Variants in DENND4A observed in about 807,000 individuals in gnomAD.
The protein encoded by DENND4A is DENN domain containing 4A.
In DENND4A, 70 loss-of-function variants were observed where a neutral mutation model predicts 199.3. The ratio of observed to expected loss-of-function variants is 0.35; its 90% CI spans 0.29 to 0.43. DENND4A has a LOEUF of 0.43. Ranked by LOEUF, DENND4A falls within the 20% of genes least tolerant of loss-of-function variation. The pLI is 1.00. For synonymous variants in DENND4A, 686 were observed against 766.9 expected, an observed-to-expected ratio of 0.89 and a Z score of 1.74; for missense variants, 1,723 against 2,255.8, an observed-to-expected ratio of 0.76 and a Z score of 4.78.
At chr15:65,662,101 C>T (rs2141805003) in intron 32 of DENND4A, 114 bp from the exon 33 acceptor site, 1 of 835,268 alleles carries the variant, frequency 1.2e-6, no homozygotes, top group Non-Finnish European at 1.8e-6. Context: ...GAAGGAATTG[C>T]TAGGACATTT....
chr15:65,661,286 G>A lies in DENND4A; in HGVS notation c.*565C>T, dbSNP rs1355381139. 2.6e-5 allele frequency: 4 copies of A among 152,096 alleles called. No homozygotes were observed. The highest frequency in any genetic ancestry group is 5.9e-5 in the Non-Finnish European group (4 of 68,034). 9.4% of individuals were successfully genotyped at this position (152,096 alleles called of 1,614,324 possible). On this transcript the variant is annotated 3_prime_UTR_variant, in exon 33 of 33. Coordinates refer to ENST00000443035, the MANE Select transcript of DENND4A (RefSeq NM_001320835.1). Reference sequence around the variant, plus strand: ...ATAGATATACACAGAGAGATCTGCAGCTGTACTAATTACTTCAAATAGCAG... The same window carrying A: ...ATAGATATACACAGAGAGATCTGCAACTGTACTAATTACTTCAAATAGCAG...
In DENND4A at chr15:65,690,510, C is replaced by A; in HGVS notation, c.4084G>T (p.Val1362Phe). The change falls in exon 23 of 33, where the codon GTT becomes TTT. Residue 1362 changes from valine to phenylalanine, a missense_variant. By Grantham distance (50) the Val-to-Phe change is conservative. Coordinates refer to ENST00000443035, the MANE Select transcript of DENND4A (RefSeq NM_001320835.1). ...GCAGTGAACATACTGTTTCTTAGAACATCTAGTTTAGGTACTAGTAGTGTA... is the reference window on the plus strand; with the variant it reads ...GCAGTGAACATACTGTTTCTTAGAAAATCTAGTTTAGGTACTAGTAGTGTA... ...LDTLLVPKLDVLRNSMFTAGK... is the reference protein window; with the variant it reads ...LDTLLVPKLDFLRNSMFTAGK... The A allele has an allele frequency of 6.2e-7, 1 of 1,613,336 alleles. No homozygotes were observed. The highest frequency in any genetic ancestry group is 8.5e-7 in the Non-Finnish European group (1 of 1,179,598).
chr15:65,669,393 AT>A (rs1282826529), intron 27 of DENND4A, among the ~76,000 whole-genome samples: 2 of 152,222 alleles, frequency 1.3e-5, no homozygotes, highest in African/African-American at 4.8e-5. Context: ...TTCTTAGATT[AT>A]TAAATATTCC....
intron 1 of DENND4A, among the ~76,000 whole-genome samples, chr15:65,776,085 CTA>C (rs1358747893): frequency 6.6e-6 from 1 of 152,176 alleles, no homozygotes; most frequent in African/African-American, 2.4e-5. Context: ...CATATCTCTA[CTA>C]TGATTATCCC....
chr15:65,743,130 CCA>C (rs1194426385), intron 4 of DENND4A, among the ~76,000 whole-genome samples: 1 of 152,124 alleles, frequency 6.6e-6, no homozygotes, highest in Admixed American at 6.5e-5. Flanking sequence ...TTGCTTCCCG[CCA>C]CAGTCTATCA....
chr15:65,745,267 T>C (rs867175682), intron 4 of DENND4A, among the ~76,000 whole-genome samples: 5 of 152,180 alleles, frequency 3.3e-5, no homozygotes, highest in African/African-American at 1.2e-4. Context: ...TGAAAGAGAA[T>C]AATATTCAAA....
At chr15:65,684,917 G>A (rs1220154217) in intron 23 of DENND4A, among the ~76,000 whole-genome samples, 2 of 147,080 alleles carry the variant, frequency 1.4e-5, no homozygotes, top group East Asian at 4.0e-4. Flanking sequence ...CTCCGCCTCC[G>A]GGCTTCAAGC....
rs1448398976 is a variant in DENND4A at position 65,668,229 on chromosome 15, G to T, written c.4788-106C>A. 41 of 813,480 alleles carry T rather than the reference G, an allele frequency of 5.0e-5. 1 individual carries two copies. The East Asian group carries it at 1.1e-3, about 21-fold the overall frequency. The allele number at this position is 813,480 out of a possible 1,614,324, so 50.4% of individuals were successfully genotyped here. A position where few individuals can be genotyped will look rare whatever the true frequency, so the allele number is the denominator to read the frequency against. Reference sequence around the variant, plus strand: ...CTCTCTCTTTTTTTTTTTTTTTTAAGACAGAGTCTTGCTCTGTCACCCAGG... The same window carrying T: ...CTCTCTCTTTTTTTTTTTTTTTTAATACAGAGTCTTGCTCTGTCACCCAGG... On this transcript the variant is annotated intron_variant, in intron 27 of 32. Transcript: ENST00000443035.
intron 22 of DENND4A, 74 bp downstream of exon 22, chr15:65,696,292 A>T (rs945435984): frequency 7.3e-6 from 11 of 1,510,256 alleles, no homozygotes; most frequent in Middle Eastern, 3.6e-4. Flanking sequence ...TAAGACTATT[A>T]AAAAAATAAG....
intron 21 of DENND4A, chr15:65,696,848 G>A: frequency 3.3e-6 from 1 of 307,422 alleles, no homozygotes; most frequent in South Asian, 3.7e-5. Flanking sequence ...GATGGGTAAT[G>A]TGCTGATGTC....
At chr15:65,781,946 T>C (rs2077445952) in intron 1 of DENND4A, among the ~76,000 whole-genome samples, 1 of 152,202 alleles carries the variant, frequency 6.6e-6, no homozygotes, top group Non-Finnish European at 1.5e-5. Context: ...TGAGAAAGTA[T>C]TATTGTCACT....
chr15:65,717,967 T>C lies in DENND4A; in HGVS notation c.1618A>G (p.Met540Val). Reference sequence around the variant, plus strand: ...TCATAGTCATTTATTGCTAAATCCATGAGTCCATCATCTCTCGGTCTCTGC... The same window carrying C: ...TCATAGTCATTTATTGCTAAATCCACGAGTCCATCATCTCTCGGTCTCTGC... The part of the protein sequence containing the change: ...LQQRPRDDGL[M>V]DLAINDYDFN... The change falls in exon 13 of 33, where the codon ATG (methionine) becomes GTG (valine). Residue 540 changes from methionine to valine, a missense_variant. Met to Val is a conservative substitution (Grantham distance 21). Transcript: ENST00000443035. 1.2e-6 allele frequency: 2 copies of C among 1,606,148 alleles called. No individual in the cohort carries two copies. Among genetic ancestry groups the C allele is most frequent in the Non-Finnish European group, 1.7e-6 (2 of 1,175,802 alleles).
chr15:65,697,175 G>C lies in DENND4A; in HGVS notation c.2950+92C>G, dbSNP rs1021572866. 16 of 777,362 alleles carry C rather than the reference G, an allele frequency of 2.1e-5. No individual in the cohort carries two copies. In the African/African-American group the frequency reaches 2.7e-4, roughly 13 times the overall value. The allele number at this position is 777,362 out of a possible 1,614,324, so 48.2% of individuals were successfully genotyped here. A position where few individuals can be genotyped will look rare whatever the true frequency, so the allele number is the denominator to read the frequency against. The stretch of plus-strand genomic sequence containing the variant: ...AAGAAAGAGTTATAATGGAAAAATG[G>C]AAAGTAAAACCAGCACTTTTATAAA... On this transcript the variant is annotated intron_variant, in intron 21 of 32. Transcript: ENST00000443035.
At chr15:65,748,936 T>A (rs184564428) in intron 4 of DENND4A, among the ~76,000 whole-genome samples, 1 of 148,776 alleles carries the variant, frequency 6.7e-6, no homozygotes, top group Non-Finnish European at 1.5e-5. Context: ...GAGGCTACAA[T>A]GAGCCATGAG....
intron 6 of DENND4A, among the ~76,000 whole-genome samples, 182 bp from the exon 7 acceptor site, chr15:65,738,127 T>C (rs10519303): frequency 0.039 from 5,906 of 152,254 alleles, 393 homozygotes; most frequent in African/African-American, 0.14. Flanking sequence ...ATAGTGCTAT[T>C]CTCATGTTAC....
At position 65,696,501 on chromosome 15, in the gene DENND4A, T is replaced by G; in HGVS notation, c.2951-4A>C. 1.9e-6 allele frequency: 3 copies of G among 1,604,324 alleles called. No homozygotes were observed. The highest frequency in any genetic ancestry group is 2.6e-6 in the Non-Finnish European group (3 of 1,173,652). ...TTTGTACTCTCACTCTCTGACACTG[T>G]AAAGATGAAAATGAAAATGTTAATA... is the stretch of plus-strand genomic sequence containing the variant. On this transcript the variant is annotated splice_region_variant and splice_polypyrimidine_tract_variant and intron_variant, in intron 21 of 32. Coordinates refer to ENST00000443035, the MANE Select transcript of DENND4A (RefSeq NM_001320835.1).
chr15:65,733,574 T>C (rs898260932), intron 7 of DENND4A, among the ~76,000 whole-genome samples: 1 of 152,094 alleles, frequency 6.6e-6, no homozygotes, highest in African/African-American at 2.4e-5. Context: ...GTTTTGACTG[T>C]TTACTATATA....
chr15:65,705,960 T>C, intron 15 of DENND4A, 131 bp downstream of exon 15: 2 of 1,328,088 alleles, frequency 1.5e-6, no homozygotes, highest in Non-Finnish European at 1.9e-6. Flanking sequence ...TGGGATAAGC[T>C]TGCTTACCAC....
chr15:65,681,477 T>C (rs1396572033), intron 23 of DENND4A, among the ~76,000 whole-genome samples: 1 of 152,318 alleles, frequency 6.6e-6, no homozygotes, highest in East Asian at 1.9e-4. Flanking sequence ...AGCGACTCCT[T>C]GATCCATGGG....
Sources: allele counts gnomAD v4.1 joint callset (sites outside exome capture counted in the v4.1 genomes callset), GRCh38; gene constraint gnomAD v4.1.1; transcripts MANE v1.5; gene names NCBI Gene and HGNC (gene_info 2026-07-23, HGNC 2026-07-21).